LTV1: variants seen among roughly 807,000 people sequenced by gnomAD.
LTV1 encodes the protein LTV1 ribosome biogenesis factor, also known as protein LTV1 homolog.
Under a neutral mutation model 59.9 loss-of-function variants are expected in LTV1, and 39 were observed. That is an observed-to-expected ratio of 0.65 (90% CI 0.50 to 0.85). LTV1 has a LOEUF of 0.85. Among genes scored for constraint, LTV1 ranks in the 40% least tolerant of loss-of-function variants. The probability of loss-of-function intolerance (pLI) is 0.00; values close to 1 mark genes in which losing one functional copy is unlikely to be tolerated. For missense variants in LTV1, 493 were observed against 549.1 expected (o/e 0.90, Z 1.02); for synonymous variants, 171 against 189.5 (o/e 0.90, Z 0.80).
chr6:143,863,503 G>A lies in LTV1; in HGVS notation c.1404G>A (p.Lys468=), dbSNP rs1777210516. ...AAAAAGAGCTGCTGAACTTGAAGAA[G>A]AATGTTGAGGGTCTAAAGCTATAGA... ...RQEKELLNLK[K]NVEGLKL is the part of the protein sequence containing the mutation. The change falls in exon 11 of 11, where the codon AAG becomes AAA. Residue 468 remains lysine, a synonymous_variant. Transcript: ENST00000367576. This position sits in a 1 kb window ranked among gnomAD's most constrained non-coding sequence, Gnocchi z 4.5. 1 of 1,613,304 alleles carries A rather than the reference G, an allele frequency of 6.2e-7. No individual in the cohort carries two copies. The highest frequency in any genetic ancestry group is 1.7e-5 in the Admixed American group (1 of 59,998).
rs149003540 is a variant in LTV1, at chr6:143,857,962, G to A, written c.750G>A (p.Met250Ile). Residue 250 changes from methionine to isoleucine, a missense_variant, in exon 6 of 11, where the codon ATG becomes ATA. Coordinates refer to ENST00000367576, the MANE Select transcript of LTV1 (RefSeq NM_032860.5). This position sits in a 1 kb window ranked among gnomAD's most constrained non-coding sequence, Gnocchi z 5.2. ...AGTATTCGATGACTTCCTCAGTCAT[G>A]AGGAGAAATGAACAGCTGACCCTAC... is the stretch of plus-strand genomic sequence containing the variant. Reference protein sequence around the residue: ...FTEYSMTSSVMRRNEQLTLHD... With the variant: ...FTEYSMTSSVIRRNEQLTLHD... The A allele has an allele frequency of 1.6e-5, 26 of 1,613,986 alleles. No homozygotes were observed. The African/African-American group carries it at 3.2e-4, about 20-fold the overall frequency.
chr6:143,851,801 C>G (rs1461994904), intron 4 of LTV1, among the ~76,000 whole-genome samples: 1 of 152,088 alleles, frequency 6.6e-6, no homozygotes, highest in Non-Finnish European at 1.5e-5. Flanking sequence ...TCAACTCCCA[C>G]TTATGAGTGA....
rs371534074 is a variant in LTV1, at chr6:143,862,075, G to A, written c.924-29G>A. On this transcript the variant is annotated intron_variant, in intron 7 of 10. Transcript: ENST00000367576. The surrounding 1 kb of genome is among the most constrained non-coding windows in gnomAD (Gnocchi z 4.2). ...TAATAGGTCATTTTTCCCCCTCTTGGTCTTCACTTTTAAAAACTCGTCTAA... is the reference window on the plus strand; with the variant it reads ...TAATAGGTCATTTTTCCCCCTCTTGATCTTCACTTTTAAAAACTCGTCTAA... The A allele has an allele frequency of 6.3e-7, 1 of 1,599,424 alleles. No homozygotes were observed. The highest frequency in any genetic ancestry group is 8.5e-7 in the Non-Finnish European group (1 of 1,174,414).
At chr6:143,861,501 G>C (rs1416486522) in intron 7 of LTV1, among the ~76,000 whole-genome samples, 7 of 151,916 alleles carry the variant, frequency 4.6e-5, no homozygotes, top group Non-Finnish European at 1.0e-4. Context: ...TAGTCTTTTG[G>C]GCTGAAGAAT....
intron 2 of LTV1, among the ~76,000 whole-genome samples, chr6:143,845,136 A>G (rs17073108): frequency 0.022 from 3,316 of 152,186 alleles, 124 homozygotes; most frequent in African/African-American, 0.074. Flanking sequence ...TAGGAAATGT[A>G]AAATATCTGA....
intron 1 of LTV1, 55 bp from the exon 2 acceptor site, chr6:143,844,431 T>C: frequency 6.3e-7 from 1 of 1,591,202 alleles, no homozygotes; most frequent in Admixed American, 1.7e-5. Context: ...TATGGAATTA[T>C]TCTCCGTCTT....
chr6:143,846,360 A>G (rs1031177009), intron 3 of LTV1, 136 bp downstream of exon 3: 14 of 715,656 alleles, frequency 2.0e-5, no homozygotes, highest in Non-Finnish European at 3.2e-5. Context: ...AAAATTATAT[A>G]TGTGTATGCA....
In LTV1 at chr6:143,857,229, C is replaced by A; in HGVS notation, c.398-74C>A. Reference sequence around the variant, plus strand: ...TTAATAGACTCTTGCTATCATAGGTCCTTATATTGTGAGTTAAGTGAATGA... The same window carrying A: ...TTAATAGACTCTTGCTATCATAGGTACTTATATTGTGAGTTAAGTGAATGA... On this transcript the variant is annotated intron_variant, in intron 4 of 10. Coordinates refer to ENST00000367576, the MANE Select transcript of LTV1 (RefSeq NM_032860.5). This position sits in a 1 kb window ranked among gnomAD's most constrained non-coding sequence, Gnocchi z 5.2. 1 of 1,561,160 alleles carries A rather than the reference C, an allele frequency of 6.4e-7. No homozygotes were observed. The highest frequency in any genetic ancestry group is 8.8e-7 in the Non-Finnish European group (1 of 1,140,112).
chr6:143,845,801 C>T (rs1393262571), intron 2 of LTV1, among the ~76,000 whole-genome samples: 2 of 152,122 alleles, frequency 1.3e-5, no homozygotes, highest in East Asian at 1.9e-4. Flanking sequence ...TTTTTATTGC[C>T]CTTTTAAAAG....
intron 2 of LTV1, among the ~76,000 whole-genome samples, chr6:143,844,842 A>T (rs1442355714): frequency 6.6e-6 from 1 of 152,146 alleles, no homozygotes; most frequent in East Asian, 1.9e-4. Context: ...GCCAGCTGTT[A>T]TTCTCAGATA....
At chr6:143,858,215 G>A (rs1353200616) in intron 6 of LTV1, 12 of 577,040 alleles carry the variant, frequency 2.1e-5, no homozygotes, top group Non-Finnish European at 3.2e-5. Context: ...TGCAAAGGGA[G>A]CATAGAACTG....
intron 6 of LTV1, among the ~76,000 whole-genome samples, chr6:143,859,612 T>C (rs1777130496): frequency 6.6e-6 from 1 of 152,240 alleles, no homozygotes; most frequent in Non-Finnish European, 1.5e-5. Context: ...CCCTCTTCTC[T>C]TGAGGGAGAA....
At chr6:143,844,126 C>T (rs978305007) in intron 1 of LTV1, among the ~76,000 whole-genome samples, 5 of 152,200 alleles carry the variant, frequency 3.3e-5, no homozygotes, top group Non-Finnish European at 4.4e-5. Flanking sequence ...CAGGGGCCTT[C>T]CCTGAGCAGC....
Position 143,846,072 on chromosome 6 carries a change from G to A in LTV1, c.157G>A (p.Ala53Thr), listed in dbSNP as rs376619322. The A allele has an allele frequency of 1.1e-5, 18 of 1,613,592 alleles. No homozygotes were observed. In the African/African-American group the frequency reaches 2.3e-4, roughly 20 times the overall value. ...TQKIDNEERR[A>T]EQRKYGVFFD... ...ATAGATAGACAATGAAGAAAGGCGAGCAGAACAGAGGAAGTATGGAGTGTT... is the reference window on the plus strand; with the variant it reads ...ATAGATAGACAATGAAGAAAGGCGAACAGAACAGAGGAAGTATGGAGTGTT... The change falls in exon 3 of 11, where the codon GCA (alanine) becomes ACA (threonine). Residue 53 changes from alanine to threonine, a missense_variant. Ala to Thr is a moderately conservative substitution (Grantham distance 58). Transcript: ENST00000367576.
Position 143,862,166 on chromosome 6 carries a change from A to G in LTV1, c.986A>G (p.Asp329Gly). 1 of 1,614,046 alleles carries G rather than the reference A, an allele frequency of 6.2e-7. No individual in the cohort carries two copies. Among genetic ancestry groups the G allele is most frequent in the Non-Finnish European group, 8.5e-7 (1 of 1,179,898 alleles). Residue 329 changes from aspartate to glycine, a missense_variant, in exon 8 of 11, where the codon GAT becomes GGT. Asp to Gly is a moderately conservative substitution (Grantham distance 94, BLOSUM62 -1). Coordinates refer to ENST00000367576, the MANE Select transcript of LTV1 (RefSeq NM_032860.5). This position sits in a 1 kb window ranked among gnomAD's most constrained non-coding sequence, Gnocchi z 4.2. ...CAAGACCTGCCAATGAATGAGCTTG[A>G]TGAGTCTGAGGAGGAAGAAATGATT... ...EDQDLPMNEL[D>G]ESEEEEMITV...
Position 143,851,192 on chromosome 6 carries a change from G to A in LTV1, c.397+974G>A, listed in dbSNP as rs544844137. Among the ~76,000 whole-genome samples, 14 of 152,260 alleles carry A rather than the reference G, an allele frequency of 9.2e-5. 1 individual carries two copies. The South Asian group carries it at 2.9e-3, about 32-fold the overall frequency. On this transcript the variant is annotated intron_variant, in intron 4 of 10. Coordinates refer to ENST00000367576, the MANE Select transcript of LTV1 (RefSeq NM_032860.5). ...GTTAAGTAATGGCCATGTAGCAGAG[G>A]GTGTTGGAGGCCATGTCAGATGATA...
Position 143,844,602 on chromosome 6 carries a change from A to G in LTV1, c.120A>G (p.Leu40=), listed in dbSNP as rs373710351. The G allele has an allele frequency of 8.9e-5, 143 of 1,613,188 alleles. No homozygotes were observed. Among genetic ancestry groups the G allele is most frequent in the Middle Eastern group, 1.6e-4 (1 of 6,080 alleles). Reference sequence around the variant, plus strand: ...ATGAGAGTGCACCCCAGAGGGTTCTATTGCCCACACAAAAAGTAGGTCCTG... The same window carrying G: ...ATGAGAGTGCACCCCAGAGGGTTCTGTTGCCCACACAAAAAGTAGGTCCTG... ...AADESAPQRV[L]LPTQKIDNEE... Residue 40 remains leucine (L), a synonymous_variant, in exon 2 of 11, where the codon CTA becomes CTG. Transcript: ENST00000367576.
intron 3 of LTV1, among the ~76,000 whole-genome samples, chr6:143,847,199 C>T (rs1298175511): frequency 1.3e-5 from 2 of 152,182 alleles, no homozygotes; most frequent in African/African-American, 4.8e-5. Flanking sequence ...CCTTCTTCCT[C>T]AAGGCTTTAT....
At chr6:143,856,226 G>A (rs1374245424) in intron 4 of LTV1, among the ~76,000 whole-genome samples, 1 of 151,934 alleles carries the variant, frequency 6.6e-6, no homozygotes, top group East Asian at 1.9e-4. Flanking sequence ...TGATCAATTC[G>A]GCTATTGATA....
Sources: gnomAD v4.1 joint callset for allele counts (sites outside exome capture counted in the v4.1 genomes callset) on GRCh38, gnomAD v4.1.1 for gene constraint, Gnocchi (gnomAD v3.1) non-coding constraint, MANE v1.5 for transcripts, NCBI Gene and HGNC (gene_info 2026-07-23, HGNC 2026-07-21) for gene names.